BIN2: variants seen among roughly 807,000 people sequenced by gnomAD.
BIN2 encodes bridging integrator 2, also known as breast cancer associated protein BRAP1.
In BIN2, 43 loss-of-function variants were observed where a neutral mutation model predicts 67.9. The ratio of observed to expected loss-of-function variants is 0.63; its 90% CI spans 0.50 to 0.82. The LOEUF (loss-of-function observed/expected upper bound fraction) is 0.82. BIN2 is among the 40% of genes least tolerant of loss of function. The probability of loss-of-function intolerance (pLI) is 0.00; values close to 1 mark genes in which losing one functional copy is unlikely to be tolerated. For synonymous variants in BIN2, 244 were observed against 246.8 expected (o/e 0.99, Z 0.11); for missense variants, 581 against 671.6 (o/e 0.87, Z 1.49).
intron 2 of BIN2, among the ~76,000 whole-genome samples, chr12:51,311,905 G>A (rs1402423317): frequency 6.6e-6 from 1 of 152,058 alleles, no homozygotes; most frequent in African/African-American, 2.4e-5. Flanking sequence ...CCGAATAGCT[G>A]GGATTACAGG....
intron 12 of BIN2, among the ~76,000 whole-genome samples, chr12:51,282,323 A>T (rs1377376485): frequency 6.6e-6 from 1 of 152,158 alleles, no homozygotes; most frequent in Non-Finnish European, 1.5e-5. Flanking sequence ...AATGGACTCT[A>T]TATACAAAGG....
Position 51,313,907 on chromosome 12 carries a change from G to T in BIN2, c.82-4C>A, listed in dbSNP as rs1210442790. ...CTTTCCCCAATTTCTGCAGCACCTAGGGATATAAGTCAGAAAGGCCCGTAA... is the reference window on the plus strand; with the variant it reads ...CTTTCCCCAATTTCTGCAGCACCTATGGATATAAGTCAGAAAGGCCCGTAA... On this transcript the variant is annotated splice_region_variant and splice_polypyrimidine_tract_variant and intron_variant, in intron 1 of 12. Transcript: ENST00000615107. 6.2e-7 allele frequency: 1 copy of T among 1,613,088 alleles called. No individual in the cohort carries two copies. Among genetic ancestry groups the T allele is most frequent in the South Asian group, 1.1e-5 (1 of 91,046 alleles).
At chr12:51,310,827 C>G (rs1945974022) in intron 2 of BIN2, among the ~76,000 whole-genome samples, 1 of 152,116 alleles carries the variant, frequency 6.6e-6, no homozygotes, top group African/African-American at 2.4e-5. Context: ...GTGGCACAAA[C>G]AAAGCTCACT....
chr12:51,281,787 C>G (rs1196760179), intron 12 of BIN2, among the ~76,000 whole-genome samples: 1 of 151,996 alleles, frequency 6.6e-6, no homozygotes, highest in Non-Finnish European at 1.5e-5. Context: ...CATAGTCTTG[C>G]TCTGTCTCCC....
At chr12:51,294,448 T>A (rs1204823883) in intron 9 of BIN2, among the ~76,000 whole-genome samples, 6 of 151,660 alleles carry the variant, frequency 4.0e-5, no homozygotes, top group Admixed American at 3.9e-4. Flanking sequence ...GTGCCTGTAA[T>A]CCCAGCTACT....
At chr12:51,287,572 C>T (rs567807351) in intron 11 of BIN2, among the ~76,000 whole-genome samples, 2 of 151,848 alleles carry the variant, frequency 1.3e-5, no homozygotes, top group African/African-American at 4.8e-5. Flanking sequence ...AACTCCTGAC[C>T]TCAGGTGATC....
chr12:51,307,282 C>CA (rs11348350), intron 2 of BIN2, among the ~76,000 whole-genome samples: 6,276 of 101,468 alleles, frequency 0.062, 172 homozygotes, highest in Non-Finnish European at 0.087. Flanking sequence ...GACTCTGACT[C>CA]AAAAAAAAAA....
intron 2 of BIN2, among the ~76,000 whole-genome samples, chr12:51,309,411 CA>C (rs987884553): frequency 3.3e-5 from 5 of 152,304 alleles, no homozygotes; most frequent in Admixed American, 1.3e-4. Flanking sequence ...GCTGAAGTCC[CA>C]GCACCAAACA....
chr12:51,313,650 C>T (rs1164037048), intron 2 of BIN2, among the ~76,000 whole-genome samples, 173 bp downstream of exon 2: 2 of 152,084 alleles, frequency 1.3e-5, no homozygotes, highest in Non-Finnish European at 2.9e-5. Flanking sequence ...TGGTAAATTC[C>T]TTTAGTTCAC....
chr12:51,294,708 G>A (rs979940796), intron 9 of BIN2, among the ~76,000 whole-genome samples: 81 of 151,864 alleles, frequency 5.3e-4, no homozygotes, highest in Non-Finnish European at 7.6e-4. Context: ...ATTATTTTAT[G>A]TGTGAAACAT....
intron 2 of BIN2, among the ~76,000 whole-genome samples, chr12:51,307,270 G>C (rs1945890718): frequency 7.3e-6 from 1 of 136,222 alleles, no homozygotes; most frequent in African/African-American, 2.8e-5. Flanking sequence ...GCGACAGAGT[G>C]AGACTCTGAC....
At chr12:51,323,270 GA>G (rs926277687) in intron 1 of BIN2, 1 of 152,196 alleles carries the variant, frequency 6.6e-6, no homozygotes, top group African/African-American at 2.4e-5. Flanking sequence ...TGTACAGGTA[GA>G]AACAAAAATG....
intron 6 of BIN2, 41 bp downstream of exon 6, chr12:51,299,566 C>T: frequency 6.3e-7 from 1 of 1,581,914 alleles, no homozygotes; most frequent in East Asian, 2.2e-5. Context: ...AGAAGGAGAA[C>T]AGGAAGGGTT....
intron 10 of BIN2, among the ~76,000 whole-genome samples, chr12:51,288,538 T>C (rs570434917): frequency 6.6e-6 from 1 of 152,260 alleles, no homozygotes; most frequent in Non-Finnish European, 1.5e-5. Flanking sequence ...TATTCTTTTT[T>C]TTTGTCTGTC....
At chr12:51,298,768 CT>C (rs1395806402) in intron 7 of BIN2, among the ~76,000 whole-genome samples, 1 of 151,918 alleles carries the variant, frequency 6.6e-6, no homozygotes, top group Non-Finnish European at 1.5e-5. Flanking sequence ...TTAGATTTCT[CT>C]TTAAATGTGG....
intron 2 of BIN2, among the ~76,000 whole-genome samples, chr12:51,306,071 C>T (rs935164436): frequency 3.0e-4 from 45 of 151,882 alleles, no homozygotes; most frequent in African/African-American, 9.4e-4. Flanking sequence ...CTCCTGGCCT[C>T]GTGATCTGCC....
intron 11 of BIN2, among the ~76,000 whole-genome samples, chr12:51,285,626 CTTT>C (rs10562037): frequency 9.1e-4 from 120 of 131,502 alleles, no homozygotes; most frequent in Non-Finnish European, 9.8e-4. Flanking sequence ...TTCTTTCTTT[CTTT>C]TTTTTTTTTT....
chr12:51,296,984 C>A, intron 8 of BIN2, 105 bp downstream of exon 8: 1 of 1,056,930 alleles, frequency 9.5e-7, no homozygotes, highest in Non-Finnish European at 1.4e-6. Flanking sequence ...AAGCCAAAAT[C>A]TGTGGTGCCA....
chr12:51,291,745 G>C lies in BIN2; in HGVS notation c.1361C>G (p.Thr454Ser). 6.2e-7 allele frequency: 1 copy of C among 1,613,640 alleles called. No individual in the cohort carries two copies. Among genetic ancestry groups the C allele is most frequent in the East Asian group, 2.2e-5 (1 of 44,870 alleles). The change falls in exon 10 of 13, where the codon ACT becomes AGT. Residue 454 changes from threonine to serine, a missense_variant. By Grantham distance (58) the Thr-to-Ser change is moderately conservative. Transcript: ENST00000615107. ...GGAGGTCCTAGGACTTGCAGTCCCA[G>C]TCCCCAAGGAGGCCCTAGGGCTGGT... Reference protein sequence around the residue: ...SPTSPRASLGTGTASPRTSLE... With the variant: ...SPTSPRASLGSGTASPRTSLE...
Sources: gnomAD v4.1 joint callset for allele counts (sites outside exome capture counted in the v4.1 genomes callset) on GRCh38, gnomAD v4.1.1 for gene constraint, MANE v1.5 for transcripts, NCBI Gene and HGNC (gene_info 2026-07-23, HGNC 2026-07-21) for gene names.